The following WWOX variants were observed in gnomAD, a reference collection of about 807,000 sequenced individuals.
WWOX encodes WW domain-containing oxidoreductase.
Under a neutral mutation model 46.2 loss-of-function variants are expected in WWOX, and 69 were observed. The observed-to-expected ratio is 1.49, with a 90% CI of 1.23 to 1.82. WWOX has a LOEUF of 1.82. WWOX is among the 40% of genes most tolerant of loss of function. The probability of loss-of-function intolerance (pLI) is 0.00; values close to 1 mark genes in which losing one functional copy is unlikely to be tolerated. For missense variants in WWOX, 919 were observed against 542.6 expected (o/e 1.69, Z -6.89); for synonymous variants, 359 against 202.6 (o/e 1.77, Z -6.56).
chr16:78,598,087 A>C (rs1365842491), intron 8 of WWOX, among the ~76,000 whole-genome samples: 1 of 152,218 alleles, frequency 6.6e-6, no homozygotes, highest in Non-Finnish European at 1.5e-5. Context: ...TGAAGATTTT[A>C]GTCAATGTGC....
chr16:78,321,993 A>G (rs1162555053), intron 5 of WWOX, among the ~76,000 whole-genome samples: 1 of 152,196 alleles, frequency 6.6e-6, no homozygotes, highest in Admixed American at 6.5e-5. Context: ...ATGGAACGCA[A>G]ATTCAAATCA....
intron 8 of WWOX, among the ~76,000 whole-genome samples, chr16:78,871,247 A>G (rs1383836982): frequency 6.8e-6 from 1 of 146,504 alleles, no homozygotes; most frequent in Non-Finnish European, 1.5e-5. Flanking sequence ...AAGAGGGGGG[A>G]TTTTTCCCCC....
rs970630142 is a variant in WWOX at position 78,350,535 on chromosome 16, T to C, written c.517-36325T>C. On this transcript the variant is annotated intron_variant, in intron 5 of 8. Coordinates refer to ENST00000566780, the MANE Select transcript of WWOX (RefSeq NM_016373.4). The stretch of plus-strand genomic sequence containing the variant: ...TATAGATTTGCCTATTCTAGACTTT[T>C]CATATAAATAAATCAGATACTGTGT... Among the ~76,000 whole-genome samples the C allele has an allele frequency of 2.5e-5, 3 of 121,450 alleles. 1 individual carries two copies. The highest frequency in any genetic ancestry group is 8.4e-5 in the African/African-American group (3 of 35,854). 79.7% of individuals were successfully genotyped at this position (121,450 alleles called of 152,430 possible).
chr16:78,175,766 T>G (rs7501067), intron 5 of WWOX, among the ~76,000 whole-genome samples: 22,609 of 152,232 alleles, frequency 0.15, 2,041 homozygotes, highest in East Asian at 0.23. Context: ...ACCAAATGGT[T>G]ACTGTTTTAA....
At chr16:79,018,922 G>T (rs1473199815) in intron 8 of WWOX, among the ~76,000 whole-genome samples, 1 of 151,962 alleles carries the variant, frequency 6.6e-6, no homozygotes, top group African/African-American at 2.4e-5. Flanking sequence ...AGGATAAGGT[G>T]GGCGGATCGC....
chr16:79,010,228 T>C (rs74032484), intron 8 of WWOX, among the ~76,000 whole-genome samples: 8,645 of 152,276 alleles, frequency 0.057, 716 homozygotes, highest in African/African-American at 0.18. Flanking sequence ...GAGCATCTGC[T>C]GTGTGCCAGA....
intron 8 of WWOX, among the ~76,000 whole-genome samples, chr16:78,866,320 C>G (rs1311772187): frequency 1.3e-5 from 2 of 152,160 alleles, no homozygotes; most frequent in African/African-American, 2.4e-5. Flanking sequence ...GGTCATTTCA[C>G]TCTTTCTCCC....
At chr16:78,426,222 G>T (rs2083074641) in intron 7 of WWOX, among the ~76,000 whole-genome samples, 1 of 152,228 alleles carries the variant, frequency 6.6e-6, no homozygotes, top group South Asian at 2.1e-4. Context: ...GTGAAGGAAA[G>T]TGGAGTGGCC....
At chr16:78,650,398 G>A (rs1023633980) in intron 8 of WWOX, among the ~76,000 whole-genome samples, 1 of 152,130 alleles carries the variant, frequency 6.6e-6, no homozygotes, top group African/African-American at 2.4e-5. Flanking sequence ...AATGAATACA[G>A]ATTCATTTTG....
chr16:78,104,041 C>G (rs887483815), intron 1 of WWOX, among the ~76,000 whole-genome samples: 1 of 152,056 alleles, frequency 6.6e-6, no homozygotes, highest in African/African-American at 2.4e-5. Flanking sequence ...CTCAGAGCAG[C>G]CCCTTCATGG....
At chr16:78,991,985 A>G (rs964799273) in intron 8 of WWOX, among the ~76,000 whole-genome samples, 7 of 152,202 alleles carry the variant, frequency 4.6e-5, no homozygotes, top group African/African-American at 1.7e-4. Context: ...AATGAAACTC[A>G]GGGGGTTGGG....
intron 5 of WWOX, among the ~76,000 whole-genome samples, chr16:78,183,013 C>G (rs1341771125): frequency 6.6e-6 from 1 of 150,790 alleles, no homozygotes; most frequent in African/African-American, 2.4e-5. Flanking sequence ...ACTCATGGTC[C>G]AAGTTTTGGT....
chr16:79,150,349 G>A (rs1163914009), intron 8 of WWOX, among the ~76,000 whole-genome samples: 1 of 152,146 alleles, frequency 6.6e-6, no homozygotes, highest in Non-Finnish European at 1.5e-5. Context: ...TGGAGATAAA[G>A]CCCTGTTAAT....
intron 5 of WWOX, among the ~76,000 whole-genome samples, chr16:78,354,585 T>C (rs1217932263): frequency 2.6e-5 from 4 of 152,156 alleles, no homozygotes; most frequent in Admixed American, 1.3e-4. Context: ...AGCAAGCCAC[T>C]TTTAAAGGCT....
At chr16:78,854,689 TC>T (rs1300967500) in intron 8 of WWOX, among the ~76,000 whole-genome samples, 5 of 152,222 alleles carry the variant, frequency 3.3e-5, no homozygotes, top group Non-Finnish European at 5.9e-5. Flanking sequence ...CAAGTGATTC[TC>T]CTGCCTCAGC....
intron 5 of WWOX, among the ~76,000 whole-genome samples, chr16:78,321,694 G>A (rs557153811): frequency 3.7e-4 from 57 of 152,230 alleles, no homozygotes; most frequent in African/African-American, 9.4e-4. Context: ...ATTGGAAGCC[G>A]CGTGGTAGTT....
chr16:78,422,663 G>GTGTATATA lies in WWOX; in HGVS notation c.606-2206_606-2205insGTATATAT, dbSNP rs1438850450. On this transcript the variant is annotated intron_variant, in intron 6 of 8. Transcript: ENST00000566780. Reference sequence around the variant, plus strand: ...GCCCAGCCTCCTGTTTTTTTTACATGTATATATATATATATATATATACAC... The same window carrying GTGTATATA: ...GCCCAGCCTCCTGTTTTTTTTACATGTGTATATATATATATATATATATATATATACAC... 3.3e-4 allele frequency among the ~76,000 whole-genome samples: 8 copies of GTGTATATA among 24,384 alleles called. 1 individual carries two copies. The highest frequency in any genetic ancestry group is 7.8e-4 in the African/African-American group (8 of 10,246). 16.0% of individuals were successfully genotyped at this position (24,384 alleles called of 152,430 possible). A position where few individuals can be genotyped will look rare whatever the true frequency, so the allele number is the denominator to read the frequency against.
Position 79,211,966 on chromosome 16 carries a change from G to C in WWOX, c.*170G>C. On this transcript the variant is annotated 3_prime_UTR_variant, in exon 9 of 9. Coordinates refer to ENST00000566780, the MANE Select transcript of WWOX (RefSeq NM_016373.4). Reference sequence around the variant, plus strand: ...ATCTTAAGTACCAATGGGAAGCAGGGAATTCCTGGGGTAAAGTATCACTTT... The same window carrying C: ...ATCTTAAGTACCAATGGGAAGCAGGCAATTCCTGGGGTAAAGTATCACTTT... The C allele has an allele frequency of 6.5e-7, 1 of 1,535,132 alleles. No homozygotes were observed. The highest frequency in any genetic ancestry group is 1.2e-5 in the South Asian group (1 of 84,068).
chr16:78,826,607 C>A (rs974889788), intron 8 of WWOX, among the ~76,000 whole-genome samples: 14 of 152,194 alleles, frequency 9.2e-5, no homozygotes, highest in Middle Eastern at 3.2e-3. Context: ...TATGAAGACA[C>A]TTGTTTTTGG....
Sources: gnomAD v4.1 joint callset for allele counts (sites outside exome capture counted in the v4.1 genomes callset) on GRCh38, gnomAD v4.1.1 for gene constraint, MANE v1.5 for transcripts, NCBI Gene and HGNC (gene_info 2026-07-23, HGNC 2026-07-21) for gene names.